The following ATXN1 variants were observed in gnomAD, a reference collection of about 807,000 sequenced individuals.
ATXN1 encodes ataxin 1.
In ATXN1, 8 loss-of-function variants were observed where a neutral mutation model predicts 56.4. The ratio of observed to expected loss-of-function variants is 0.14; its 90% CI spans 0.08 to 0.26. The LOEUF is 0.26. Among genes scored for constraint, ATXN1 ranks in the 10% least tolerant of loss-of-function variants. ATXN1 has a pLI of 1.00. For missense variants in ATXN1, 987 were observed against 1,106.5 expected (o/e 0.89, Z 1.53); for synonymous variants, 514 against 494.6 (o/e 1.04, Z -0.52).
chr6:16,701,576 C>T (rs1355145129), intron 2 of ATXN1, among the ~76,000 whole-genome samples: 1 of 152,158 alleles, frequency 6.6e-6, no homozygotes, highest in Admixed American at 6.5e-5. Context: ...GATCATATAT[C>T]TAGAAAACCC....
At chr6:16,356,195 A>C (rs1304509522) in intron 6 of ATXN1, among the ~76,000 whole-genome samples, 1 of 152,198 alleles carries the variant, frequency 6.6e-6, no homozygotes, top group African/African-American at 2.4e-5. Flanking sequence ...TCTTCTTCCT[A>C]CATTTCCTGC....
chr6:16,442,498 C>T (rs1320443184), intron 6 of ATXN1, among the ~76,000 whole-genome samples: 7 of 150,614 alleles, frequency 4.6e-5, no homozygotes, highest in East Asian at 3.9e-4. Flanking sequence ...AAAAAAAACA[C>T]GCGGGAAGAA....
At chr6:16,349,488 C>A (rs537372723) in intron 6 of ATXN1, among the ~76,000 whole-genome samples, 1 of 151,170 alleles carries the variant, frequency 6.6e-6, no homozygotes, top group Non-Finnish European at 1.5e-5. Flanking sequence ...GGTGACAGAG[C>A]GAGACTGTGT....
chr6:16,416,985 C>T (rs112060044), intron 6 of ATXN1, among the ~76,000 whole-genome samples: 7 of 152,324 alleles, frequency 4.6e-5, no homozygotes, highest in African/African-American at 1.7e-4. Flanking sequence ...CAACAGGCAC[C>T]TAACCCTACA....
chr6:16,389,875 T>C (rs1758317554), intron 6 of ATXN1, among the ~76,000 whole-genome samples: 1 of 150,528 alleles, frequency 6.6e-6, no homozygotes, highest in South Asian at 2.1e-4. Context: ...TGCAATGACA[T>C]GACTAGCCCA....
At chr6:16,545,367 T>C (rs978972169) in intron 4 of ATXN1, among the ~76,000 whole-genome samples, 1 of 151,464 alleles carries the variant, frequency 6.6e-6, no homozygotes. Context: ...TAAGAACACA[T>C]AACATTTTGA....
rs1760803747 is a variant in ATXN1, at chr6:16,326,335, A to C, written c.1917+59T>G. On this transcript the variant is annotated intron_variant, in intron 7 of 7. Coordinates refer to ENST00000436367, the MANE Select transcript of ATXN1 (RefSeq NM_001128164.2). The surrounding 1 kb of genome is among the most constrained non-coding windows in gnomAD (Gnocchi z 6.6). ...CATAGAAGCAATTCGTCTTGCCAGG[A>C]GATGATGATGGCATCACGGTGTGGT... is the stretch of plus-strand genomic sequence containing the variant. 27 of 1,592,258 alleles carry C rather than the reference A, an allele frequency of 1.7e-5. No individual in the cohort carries two copies. The highest frequency in any genetic ancestry group is 2.3e-5 in the Non-Finnish European group (27 of 1,169,070).
chr6:16,374,899 C>G (rs542791305), intron 6 of ATXN1, among the ~76,000 whole-genome samples: 1 of 152,214 alleles, frequency 6.6e-6, no homozygotes, highest in Non-Finnish European at 1.5e-5. Flanking sequence ...GGCATTAACC[C>G]GAGCCCCTGA....
chr6:16,511,806 C>A (rs538219463), intron 5 of ATXN1, among the ~76,000 whole-genome samples: 15 of 152,290 alleles, frequency 9.8e-5, no homozygotes, highest in Non-Finnish European at 1.9e-4. Context: ...ATAAGCGAGG[C>A]TGGGGAAGAC....
At position 16,306,168 on chromosome 6, in the gene ATXN1, G is replaced by T; in HGVS notation, c.*161C>A. The T allele has an allele frequency of 1.1e-6, 1 of 909,906 alleles. No individual in the cohort carries two copies. The highest frequency in any genetic ancestry group is 1.6e-6 in the Non-Finnish European group (1 of 611,672). The allele number at this position is 909,906 out of a possible 1,614,324, so 56.4% of individuals were successfully genotyped here. On this transcript the variant is annotated 3_prime_UTR_variant, in exon 8 of 8. Coordinates refer to ENST00000436367, the MANE Select transcript of ATXN1 (RefSeq NM_001128164.2). The surrounding 1 kb of genome is among the most constrained non-coding windows in gnomAD (Gnocchi z 5.2). ...ACTCGTGGAAAAAGCATATGCACCA[G>T]TCTCCTGCGACACACCTGCTGTAAC...
intron 7 of ATXN1, among the ~76,000 whole-genome samples, chr6:16,314,283 T>C (rs1251373451): frequency 6.6e-6 from 1 of 152,224 alleles, no homozygotes; most frequent in East Asian, 1.9e-4. Context: ...AGCAAATCTA[T>C]CTTTATTTTA....
At chr6:16,369,597 C>A (rs1439354542) in intron 6 of ATXN1, among the ~76,000 whole-genome samples, 2 of 152,222 alleles carry the variant, frequency 1.3e-5, no homozygotes, top group Non-Finnish European at 2.9e-5. Context: ...TCGCTCTTGG[C>A]TCCTGGTAAG....
At chr6:16,369,827 T>G (rs192788620) in intron 6 of ATXN1, among the ~76,000 whole-genome samples, 8 of 152,290 alleles carry the variant, frequency 5.3e-5, no homozygotes, top group African/African-American at 1.7e-4. Flanking sequence ...GGCTGCTGTG[T>G]ATAATGGTCT....
intron 3 of ATXN1, among the ~76,000 whole-genome samples, chr6:16,651,318 G>A (rs1466327305): frequency 6.6e-6 from 1 of 152,182 alleles, no homozygotes; most frequent in Non-Finnish European, 1.5e-5. Context: ...GCTTAGGCAG[G>A]CGGATCATGA....
chr6:16,702,982 T>G (rs1217502093), intron 2 of ATXN1, among the ~76,000 whole-genome samples: 2 of 152,044 alleles, frequency 1.3e-5, no homozygotes, highest in Admixed American at 6.6e-5. Context: ...CATTACTGGG[T>G]ATATACCAAA....
chr6:16,346,847 G>C (rs1267560623), intron 6 of ATXN1, among the ~76,000 whole-genome samples: 1 of 152,240 alleles, frequency 6.6e-6, no homozygotes, highest in East Asian at 1.9e-4. Flanking sequence ...GCCAAGGCCA[G>C]AGCCGGCTCC....
At chr6:16,759,822 C>T (rs559025110) in intron 1 of ATXN1, among the ~76,000 whole-genome samples, 2 of 152,000 alleles carry the variant, frequency 1.3e-5, no homozygotes, top group Non-Finnish European at 2.9e-5. Flanking sequence ...CAGTCAGCCC[C>T]CTACGTGGTC....
At chr6:16,350,509 A>G (rs2113459081) in intron 6 of ATXN1, among the ~76,000 whole-genome samples, 1 of 152,264 alleles carries the variant, frequency 6.6e-6, no homozygotes, top group South Asian at 2.1e-4. Flanking sequence ...GATATTTGAT[A>G]CCTCTCTCGC....
chr6:16,617,659 C>T (rs539887350), intron 3 of ATXN1, among the ~76,000 whole-genome samples: 5 of 150,726 alleles, frequency 3.3e-5, no homozygotes, highest in East Asian at 3.9e-4. Flanking sequence ...CCCAGCTACT[C>T]GGGAGGCTGA....
Sources: gnomAD v4.1 joint callset for allele counts (sites outside exome capture counted in the v4.1 genomes callset) on GRCh38, gnomAD v4.1.1 for gene constraint, Gnocchi (gnomAD v3.1) non-coding constraint, MANE v1.5 for transcripts, NCBI Gene and HGNC (gene_info 2026-07-23, HGNC 2026-07-21) for gene names.